Variants in DNAH3 observed in about 807,000 individuals in gnomAD.
DNAH3 encodes dynein axonemal heavy chain 3.
A neutral mutation model predicts 432.5 loss-of-function variants in DNAH3; 332 were observed. That is an observed-to-expected ratio of 0.77 (90% CI 0.70 to 0.84). The LOEUF is 0.84. Among genes scored for constraint, DNAH3 ranks in the 40% least tolerant of loss-of-function variants. The pLI is 0.00. For synonymous variants in DNAH3, 1,956 were observed against 1,900.2 expected (o/e 1.03, Z -0.76); for missense variants, 4,861 against 5,114.0 (o/e 0.95, Z 1.51).
exon 5 of DNAH3, chr16:21,140,699 G>T (rs2092707602): frequency 1.9e-6 from 3 of 1,613,804 alleles, no homozygotes; most frequent in Non-Finnish European, 2.5e-6. Context: ...CGTCTTGAAG[G>T]CCAACTTGAT....
chr16:21,040,004 A>T, intron 32 of DNAH3, 61 bp from the exon 33 acceptor site: 1 of 1,362,290 alleles, frequency 7.3e-7, no homozygotes, highest in Non-Finnish European at 1.0e-6. Context: ...GGGAACGCAC[A>T]TTCACAGAAG....
intron 60 of DNAH3, 82 bp downstream of exon 60, chr16:20,936,567 T>C (rs574332727): frequency 1.6e-6 from 2 of 1,282,672 alleles, no homozygotes; most frequent in East Asian, 2.5e-5. Flanking sequence ...CTCCTCCCCC[T>C]GCCTCTAGTC....
At chr16:21,014,442 G>A (rs554549730) in intron 41 of DNAH3, among the ~76,000 whole-genome samples, 1 of 152,264 alleles carries the variant, frequency 6.6e-6, no homozygotes, top group African/African-American at 2.4e-5. Flanking sequence ...ACTAGTAATA[G>A]AGGGAACTTG....
chr16:20,969,641 G>A (rs1034251493), intron 52 of DNAH3, 151 bp downstream of exon 52: 2 of 858,512 alleles, frequency 2.3e-6, no homozygotes, highest in Non-Finnish European at 1.8e-6. Context: ...GGCCTTGGGT[G>A]CACACACACA....
Position 21,055,745 on chromosome 16 carries a change from AT to A in DNAH3, c.3925-1212del, listed in dbSNP as rs775755456. On this transcript the variant is annotated intron_variant, in intron 27 of 61. Coordinates refer to ENST00000261383, the Ensembl canonical transcript of DNAH3. ...GTCTCCTGGTGTGTGTCAAATGCAG[AT>A]TTTTTTTTTTTTTTTTTGAGATGGG... 0.013 allele frequency among the ~76,000 whole-genome samples: 1,692 copies of A among 134,200 alleles called. 46 individuals carry two copies. The East Asian group carries it at 0.13, about 11-fold the overall frequency. 88.0% of individuals were successfully genotyped at this position (134,200 alleles called of 152,430 possible).
intron 60 of DNAH3, among the ~76,000 whole-genome samples, chr16:20,936,423 T>C (rs1023906637): frequency 2.6e-5 from 4 of 152,174 alleles, no homozygotes; most frequent in Non-Finnish European, 5.9e-5. Flanking sequence ...CCCAGAGTGC[T>C]GGCAATACAG....
chr16:20,961,641 G>A (rs1449762945), intron 53 of DNAH3, among the ~76,000 whole-genome samples: 2 of 151,844 alleles, frequency 1.3e-5, no homozygotes, highest in African/African-American at 4.8e-5. Context: ...GCCCTGTGCA[G>A]ACATAGGGAG....
intron 16 of DNAH3, chr16:21,104,239 T>C: frequency 2.4e-6 from 1 of 410,434 alleles, no homozygotes; most frequent in Non-Finnish European, 4.5e-6. Flanking sequence ...TTCCAATTAT[T>C]CAAGGCAGGA....
intron 7 of DNAH3, among the ~76,000 whole-genome samples, chr16:21,131,389 G>T (rs190892507): frequency 6.6e-6 from 1 of 150,976 alleles, no homozygotes; most frequent in East Asian, 2.0e-4. Context: ...AGGAAGGAAG[G>T]AAGGAAGGAC....
At chr16:20,989,041 G>A (rs578145971) in intron 44 of DNAH3, among the ~76,000 whole-genome samples, 6 of 152,196 alleles carry the variant, frequency 3.9e-5, no homozygotes, top group Non-Finnish European at 5.9e-5. Context: ...CACAGAGTGA[G>A]CACCAGTAAG....
At chr16:21,139,776 C>CTTTTTTTTT (rs71275930) in intron 5 of DNAH3, among the ~76,000 whole-genome samples, 1 of 86,232 alleles carries the variant, frequency 1.2e-5, no homozygotes, top group Non-Finnish European at 2.1e-5. Context: ...CCACCTCATT[C>CTTTTTTTTT]TTTTTTTTTT....
intron 58 of DNAH3, among the ~76,000 whole-genome samples, chr16:20,941,884 C>G (rs759793016): frequency 6.6e-6 from 1 of 152,122 alleles, no homozygotes; most frequent in East Asian, 1.9e-4. Flanking sequence ...ATAGCGAAAC[C>G]CAGTTTCTAC....
chr16:21,143,318 T>C (rs1232764612), intron 3 of DNAH3, among the ~76,000 whole-genome samples: 1 of 152,162 alleles, frequency 6.6e-6, no homozygotes, highest in East Asian at 1.9e-4. Context: ...TCATGAGGGC[T>C]CCATCTTATG....
chr16:20,985,585 G>A (rs367792451), exon 48 of DNAH3: 2 of 1,614,216 alleles, frequency 1.2e-6, no homozygotes, highest in African/African-American at 1.3e-5. Flanking sequence ...CATGACCACA[G>A]TCAGCTGTTT....
intron 55 of DNAH3, among the ~76,000 whole-genome samples, chr16:20,953,449 G>A (rs747098890): frequency 3.9e-5 from 6 of 152,168 alleles, no homozygotes; most frequent in South Asian, 2.1e-4. Context: ...GTGAACCATC[G>A]CGCCCAGGTT....
At chr16:20,948,909 T>C (rs1217374754) in intron 56 of DNAH3, among the ~76,000 whole-genome samples, 1 of 151,974 alleles carries the variant, frequency 6.6e-6, no homozygotes, top group Non-Finnish European at 1.5e-5. Context: ...ACCCATGACC[T>C]GCCCCACCCC....
intron 51 of DNAH3, among the ~76,000 whole-genome samples, chr16:20,972,575 T>C (rs2152641085): frequency 6.6e-6 from 1 of 152,048 alleles, no homozygotes; most frequent in East Asian, 1.9e-4. Context: ...TCGTGTCTAT[T>C]CTACCAGGAC....
At position 21,125,378 on chromosome 16, in the gene DNAH3, G is replaced by A. The variant is rs760667391; in HGVS notation, c.1209-8C>T. On this transcript the variant is annotated splice_region_variant and splice_polypyrimidine_tract_variant and intron_variant, in intron 8 of 61. Coordinates refer to ENST00000261383, the Ensembl canonical transcript of DNAH3. ...GCGCAGGTGGGGATCCACCTGTAAA[G>A]ACAGAAGGGTGTCCATGTGAGAAGC... The A allele has an allele frequency of 6.3e-7, 1 of 1,579,012 alleles. No homozygotes were observed. The highest frequency in any genetic ancestry group is 8.6e-7 in the Non-Finnish European group (1 of 1,159,948).
chr16:21,076,020 A>G (rs117982673), intron 20 of DNAH3, among the ~76,000 whole-genome samples: 2,405 of 151,416 alleles, frequency 0.016, 25 homozygotes, highest in Non-Finnish European at 0.024. Flanking sequence ...CTGCTCTAAG[A>G]TCTGCCAGCT....
Sources: allele counts gnomAD v4.1 joint callset (sites outside exome capture counted in the v4.1 genomes callset), GRCh38; gene constraint gnomAD v4.1.1; transcripts MANE v1.5; gene names NCBI Gene and HGNC (gene_info 2026-07-23, HGNC 2026-07-21).